Variants in MAF observed in about 807,000 individuals in gnomAD.
MAF encodes the protein MAF bZIP transcription factor.
In MAF, 10 loss-of-function variants were observed where a neutral mutation model predicts 22.0. The observed-to-expected ratio is 0.45, with a 90% confidence interval of 0.28 to 0.77. The LOEUF (loss-of-function observed/expected upper bound fraction) is 0.77. Ranked by LOEUF, MAF falls within the 30% of genes least tolerant of loss-of-function variation. The pLI, the probability that MAF is intolerant of heterozygous loss-of-function variation, is 0.12. For missense variants in MAF, 544 were observed against 548.4 expected (o/e 0.99, Z 0.08); for synonymous variants, 337 against 255.8 (o/e 1.32, Z -3.03).
the MAF span, among the ~76,000 whole-genome samples, chr16:79,492,255 G>GC: frequency 1.9e-3 from 288 of 152,286 alleles, no homozygotes; most frequent in African/African-American, 6.4e-3. Context: ...CTGGGGCTGG[G>GC]ATTAGGGTGA....
At chr16:79,545,573 T>C in the MAF span, among the ~76,000 whole-genome samples, 1 of 151,978 alleles carries the variant, frequency 6.6e-6, no homozygotes, top group Admixed American at 6.5e-5. Flanking sequence ...TTACAAAATT[T>C]ACCAGAAATT....
the MAF span, among the ~76,000 whole-genome samples, chr16:79,546,554 T>C: frequency 1.3e-5 from 2 of 152,336 alleles, no homozygotes; most frequent in South Asian, 2.1e-4. Context: ...AAGATTATTA[T>C]GGGGTTAAGA....
At chr16:79,535,650 T>C in the MAF span, among the ~76,000 whole-genome samples, 1 of 141,728 alleles carries the variant, frequency 7.1e-6, no homozygotes, top group Non-Finnish European at 1.5e-5. Flanking sequence ...AGTGCAATGG[T>C]GACATCTCGG....
the MAF span, among the ~76,000 whole-genome samples, chr16:79,385,904 C>T: frequency 3.0e-4 from 46 of 152,096 alleles, no homozygotes; most frequent in East Asian, 5.8e-4. Context: ...GACTCTGTAA[C>T]GAAAAACAAA....
At chr16:79,573,905 C>G in the MAF span, among the ~76,000 whole-genome samples, 1 of 152,166 alleles carries the variant, frequency 6.6e-6, no homozygotes, top group Non-Finnish European at 1.5e-5. Context: ...AAGATGTCAT[C>G]TTGGTCATTT....
chr16:79,586,833 T>A (rs141472837), intron 1 of MAF, among the ~76,000 whole-genome samples: 1 of 152,340 alleles, frequency 6.6e-6, no homozygotes, highest in East Asian at 1.9e-4. Flanking sequence ...AAATCTAATT[T>A]AAAAAATTCA....
chr16:79,448,680 C>A, the MAF span, among the ~76,000 whole-genome samples: 1 of 151,978 alleles, frequency 6.6e-6, no homozygotes, highest in African/African-American at 2.4e-5. Flanking sequence ...ACGCCTCAAC[C>A]TCCCAAAGTG....
downstream of MAF, among the ~76,000 whole-genome samples, chr16:79,591,669 G>A (rs1407871395): frequency 6.6e-6 from 1 of 152,128 alleles, no homozygotes; most frequent in Non-Finnish European, 1.5e-5. Context: ...TTATTTCTGT[G>A]CGTCGTTGGT....
At chr16:79,282,301 G>C in the MAF span, among the ~76,000 whole-genome samples, 4 of 152,176 alleles carry the variant, frequency 2.6e-5, no homozygotes, top group Non-Finnish European at 4.4e-5. Flanking sequence ...GCCACCCCAA[G>C]TTCCCTGGGA....
the MAF span, among the ~76,000 whole-genome samples, chr16:79,346,795 A>G: frequency 4.5e-4 from 69 of 152,238 alleles, no homozygotes; most frequent in Non-Finnish European, 8.5e-4. Flanking sequence ...ATCTATTTGC[A>G]CATTTCTGAT....
the MAF span, among the ~76,000 whole-genome samples, chr16:79,580,729 C>G: frequency 6.6e-6 from 1 of 152,066 alleles, no homozygotes; most frequent in African/African-American, 2.4e-5. Context: ...ACCTCCGAAC[C>G]TGCTTGGTAA....
At chr16:79,315,610 T>A in the MAF span, among the ~76,000 whole-genome samples, 28 of 152,330 alleles carry the variant, frequency 1.8e-4, no homozygotes, top group Non-Finnish European at 2.9e-4. Context: ...AAGTTCCTAA[T>A]ACTGAGTGAT....
the MAF span, among the ~76,000 whole-genome samples, chr16:79,468,239 C>T: frequency 6.6e-6 from 1 of 152,150 alleles, no homozygotes; most frequent in African/African-American, 2.4e-5. Flanking sequence ...TTATGACACC[C>T]ACGGAGTCCC....
chr16:79,379,037 T>C, the MAF span, among the ~76,000 whole-genome samples: 1 of 152,224 alleles, frequency 6.6e-6, no homozygotes, highest in Non-Finnish European at 1.5e-5. Context: ...TCGAATAAAC[T>C]TTTCTCTTTG....
the MAF span, among the ~76,000 whole-genome samples, chr16:79,463,459 T>C: frequency 2.0e-5 from 3 of 152,218 alleles, no homozygotes; most frequent in African/African-American, 4.8e-5. Context: ...TAAAATTCCA[T>C]GTCTCATATA....
the MAF span, among the ~76,000 whole-genome samples, chr16:79,425,852 G>A: frequency 6.6e-6 from 1 of 152,116 alleles, no homozygotes; most frequent in Non-Finnish European, 1.5e-5. Flanking sequence ...CTCATATGTG[G>A]TAGAATCAAG....
the MAF span, among the ~76,000 whole-genome samples, chr16:79,424,286 A>C: frequency 6.6e-6 from 1 of 152,160 alleles, no homozygotes; most frequent in Non-Finnish European, 1.5e-5. Context: ...ACCACTAAGA[A>C]ACAGAAACAA....
At chr16:79,227,469 CTT>C in the MAF span, among the ~76,000 whole-genome samples, 1 of 152,092 alleles carries the variant, frequency 6.6e-6, no homozygotes, top group East Asian at 1.9e-4. Context: ...CAACAAGAGA[CTT>C]TTTTTCCACT....
the MAF span, among the ~76,000 whole-genome samples, chr16:79,209,441 G>T: frequency 6.6e-6 from 1 of 152,136 alleles, no homozygotes; most frequent in Non-Finnish European, 1.5e-5. Context: ...CTTTCCTCAC[G>T]CTTGGCAGAA....
Sources: gnomAD v4.1 joint callset for allele counts (sites outside exome capture counted in the v4.1 genomes callset) on GRCh38, gnomAD v4.1.1 for gene constraint, MANE v1.5 for transcripts, NCBI Gene and HGNC (gene_info 2026-07-23, HGNC 2026-07-21) for gene names.